Variants in CXCL13 observed in about 807,000 individuals in gnomAD.
CXCL13 encodes the protein C-X-C motif chemokine 13.
CXCL13 carries 7 observed loss-of-function variants against 12.2 expected under a neutral mutation model. That is an observed-to-expected ratio of 0.57 (90% CI 0.33 to 1.07). The LOEUF (loss-of-function observed/expected upper bound fraction) is 1.07, where lower values mean the gene tolerates loss of function less well. CXCL13 is among the 50% of genes least tolerant of loss of function. CXCL13 has a pLI of 0.04. For synonymous variants in CXCL13, 47 were observed against 42.4 expected (o/e 1.11, Z -0.42); for missense variants, 113 against 127.4 (o/e 0.89, Z 0.55).
At chr4:77,564,568 T>A (rs941016935) in intron 1 of CXCL13, among the ~76,000 whole-genome samples, 6 of 152,216 alleles carry the variant, frequency 3.9e-5, no homozygotes, top group Non-Finnish European at 5.9e-5. Flanking sequence ...GGACTTATAG[T>A]CATCTCATTT....
rs1727146695 is a variant in CXCL13 at position 77,611,289 on chromosome 4, A to G, written c.*250A>G. 1 of 411,738 alleles carries G rather than the reference A, an allele frequency of 2.4e-6. No homozygotes were observed. Among genetic ancestry groups the G allele is most frequent in the Non-Finnish European group, 4.3e-6 (1 of 233,260 alleles). The allele number at this position is 411,738 out of a possible 1,614,324, so 25.5% of individuals were successfully genotyped here. A position where few individuals can be genotyped will look rare whatever the true frequency, so the allele number is the denominator to read the frequency against. On this transcript the variant is annotated 3_prime_UTR_variant, in exon 4 of 4. Coordinates refer to ENST00000682537, the MANE Select transcript of CXCL13 (RefSeq NM_001371558.1). ...AAAGTTTCTTTGAAAATAGTTATTC[A>G]GTTATAAGTAATACAGGATTATTTT...
At chr4:77,575,268 T>C (rs185956733) in intron 1 of CXCL13, among the ~76,000 whole-genome samples, 11 of 152,074 alleles carry the variant, frequency 7.2e-5, no homozygotes, top group Admixed American at 6.5e-4. Context: ...TTCTATCTAA[T>C]AACATCAAGT....
At chr4:77,560,410 C>T (rs547224405) in intron 1 of CXCL13, among the ~76,000 whole-genome samples, 1 of 152,340 alleles carries the variant, frequency 6.6e-6, no homozygotes, top group East Asian at 1.9e-4. Flanking sequence ...ACACTGTAGG[C>T]CACTGTTCTT....
chr4:77,564,310 A>G (rs1725876418), intron 1 of CXCL13, among the ~76,000 whole-genome samples: 2 of 152,224 alleles, frequency 1.3e-5, no homozygotes, highest in African/African-American at 4.8e-5. Context: ...TGGTATCAGG[A>G]CGTTCTGTAC....
chr4:77,542,525 T>C (rs1432308250), intron 1 of CXCL13, among the ~76,000 whole-genome samples: 2 of 152,138 alleles, frequency 1.3e-5, no homozygotes, highest in Non-Finnish European at 2.9e-5. Flanking sequence ...GAAAATCCAC[T>C]CTCATGATCC....
intron 1 of CXCL13, among the ~76,000 whole-genome samples, chr4:77,513,999 C>T (rs1489418230): frequency 2.6e-5 from 4 of 152,086 alleles, no homozygotes; most frequent in African/African-American, 9.7e-5. Context: ...TGTTCCCCTT[C>T]CTGTGTCCAT....
At chr4:77,534,389 A>G (rs1229154195) in intron 1 of CXCL13, among the ~76,000 whole-genome samples, 1 of 152,216 alleles carries the variant, frequency 6.6e-6, no homozygotes, top group African/African-American at 2.4e-5. Flanking sequence ...CACATCATAC[A>G]TGAAATACTA....
At chr4:77,548,260 C>T (rs1283129196) in intron 1 of CXCL13, among the ~76,000 whole-genome samples, 5 of 152,198 alleles carry the variant, frequency 3.3e-5, no homozygotes, top group Admixed American at 1.3e-4. Context: ...GGATTCCAAA[C>T]TCTCCTGCGG....
intron 1 of CXCL13, among the ~76,000 whole-genome samples, chr4:77,578,862 T>A (rs981624265): frequency 6.6e-6 from 1 of 152,208 alleles, no homozygotes; most frequent in Non-Finnish European, 1.5e-5. Context: ...TATAGAATCA[T>A]GTAGAATAAA....
upstream of CXCL13, among the ~76,000 whole-genome samples, chr4:77,602,581 T>A (rs1726903537): frequency 6.6e-6 from 1 of 152,082 alleles, no homozygotes; most frequent in Non-Finnish European, 1.5e-5. Flanking sequence ...GTACCAAGGT[T>A]CTAAATTACC....
chr4:77,557,135 A>C (rs1433534034), intron 1 of CXCL13, among the ~76,000 whole-genome samples: 1 of 152,180 alleles, frequency 6.6e-6, no homozygotes, highest in Non-Finnish European at 1.5e-5. Context: ...AGAAAACAGA[A>C]ATCTTCAGTT....
intron 1 of CXCL13, among the ~76,000 whole-genome samples, chr4:77,576,043 T>G (rs1726190906): frequency 6.6e-6 from 1 of 151,880 alleles, no homozygotes; most frequent in African/African-American, 2.4e-5. Flanking sequence ...AAAATTGTAC[T>G]GTTTTGATCC....
intron 1 of CXCL13, among the ~76,000 whole-genome samples, chr4:77,513,196 G>T (rs1724315296): frequency 6.6e-6 from 1 of 152,050 alleles, no homozygotes; most frequent in Admixed American, 6.5e-5. Context: ...ATCACTGATG[G>T]ACATTTGGGT....
chr4:77,519,551 T>A lies in CXCL13; in HGVS notation c.-43+7763T>A, dbSNP rs867214906. Reference sequence around the variant, plus strand: ...GTGTCTGTTCATATCCTTTGCCTACTTTTTGATGGGGTTGTTTTTTTCTCA... The same window carrying A: ...GTGTCTGTTCATATCCTTTGCCTACATTTTGATGGGGTTGTTTTTTTCTCA... On this transcript the variant is annotated intron_variant, in intron 1 of 4. Coordinates refer to the CXCL13 transcript ENST00000286758. Among the ~76,000 whole-genome samples the A allele has an allele frequency of 1.6e-3, 250 of 152,318 alleles. 5 individuals are homozygous for A. In the Middle Eastern group the frequency reaches 0.017, roughly 10 times the overall value.
At chr4:77,563,006 C>CT (rs1725848432) in intron 1 of CXCL13, among the ~76,000 whole-genome samples, 1 of 152,054 alleles carries the variant, frequency 6.6e-6, no homozygotes, top group Admixed American at 6.5e-5. Context: ...TTCTTTCACT[C>CT]TTTTCAATAA....
chr4:77,513,411 A>T (rs537900445), intron 1 of CXCL13, among the ~76,000 whole-genome samples: 3 of 151,448 alleles, frequency 2.0e-5, no homozygotes, highest in Admixed American at 2.0e-4. Flanking sequence ...GTGTAAAAGC[A>T]TTCCTATTTC....
At chr4:77,586,789 G>A (rs556113534) in intron 1 of CXCL13, among the ~76,000 whole-genome samples, 1 of 152,036 alleles carries the variant, frequency 6.6e-6, no homozygotes, top group African/African-American at 2.4e-5. Flanking sequence ...GGCACTTCGG[G>A]GTACAATTTT....
chr4:77,515,212 T>G (rs1486966354), intron 1 of CXCL13, among the ~76,000 whole-genome samples: 7 of 152,346 alleles, frequency 4.6e-5, no homozygotes, highest in African/African-American at 1.7e-4. Context: ...TACTGTAGCC[T>G]TGTAGTATAG....
chr4:77,572,336 G>A (rs1292171044), intron 1 of CXCL13, among the ~76,000 whole-genome samples: 1 of 151,892 alleles, frequency 6.6e-6, no homozygotes. Flanking sequence ...GGGAGGTGGA[G>A]GTTGCAGTGA....
Sources: gnomAD v4.1 joint callset for allele counts (sites outside exome capture counted in the v4.1 genomes callset) on GRCh38, gnomAD v4.1.1 for gene constraint, MANE v1.5 for transcripts, NCBI Gene and HGNC (gene_info 2026-07-23, HGNC 2026-07-21) for gene names.